The following DOCK4 variants were observed in gnomAD, a reference collection of about 807,000 sequenced individuals.
The protein encoded by DOCK4 is dedicator of cytokinesis 4, also known as dedicator of cytokinesis protein 4.
DOCK4 carries 97 observed loss-of-function variants against 268.1 expected under a neutral mutation model. That is an observed-to-expected ratio of 0.36 (90% CI 0.31 to 0.43). DOCK4 has a LOEUF of 0.43. DOCK4 is among the 20% of genes least tolerant of loss of function. The pLI is 1.00. For missense variants in DOCK4, 2,145 were observed against 2,455.7 expected (o/e 0.87, Z 2.67); for synonymous variants, 954 against 887.2 (o/e 1.08, Z -1.34).
chr7:111,833,288 TCTGAGTA>T (rs1402516855), intron 26 of DOCK4, among the ~76,000 whole-genome samples: 1 of 152,180 alleles, frequency 6.6e-6, no homozygotes. Flanking sequence ...ATGCCTGTAA[TCTGAGTA>T]CTTTAGGAGG....
intron 23 of DOCK4, among the ~76,000 whole-genome samples, chr7:111,858,736 C>T (rs940289892): frequency 2.0e-5 from 3 of 152,074 alleles, no homozygotes; most frequent in African/African-American, 4.8e-5. Context: ...TCTATAATCA[C>T]GTAAACCATT....
chr7:111,850,607 C>T (rs1205033179), intron 23 of DOCK4, among the ~76,000 whole-genome samples: 3 of 152,138 alleles, frequency 2.0e-5, no homozygotes, highest in Non-Finnish European at 4.4e-5. Context: ...CAGTTCCTGC[C>T]TTAACTGATG....
chr7:112,018,234 C>A (rs940548158), intron 1 of DOCK4, among the ~76,000 whole-genome samples: 1 of 139,818 alleles, frequency 7.2e-6, no homozygotes, highest in Non-Finnish European at 1.5e-5. Flanking sequence ...TAATAAAACT[C>A]TGTTATTTCC....
At position 111,794,533 on chromosome 7, in the gene DOCK4, A is replaced by T. The variant is rs575666807; in HGVS notation, c.3167-3928T>A. Among the ~76,000 whole-genome samples, 8 of 152,288 alleles carry T rather than the reference A, an allele frequency of 5.3e-5. No individual in the cohort carries two copies. In the South Asian group the frequency reaches 1.7e-3, roughly 32 times the overall value. On this transcript the variant is annotated intron_variant, in intron 30 of 52. Coordinates refer to ENST00000428084, the MANE Select transcript of DOCK4 (RefSeq NM_001363540.2). ...TGCAGGGTAGGGAAGGAGAAGTGGGAAAGTGGTGATGGGAAATGATAGAGA... is the reference window on the plus strand; with the variant it reads ...TGCAGGGTAGGGAAGGAGAAGTGGGTAAGTGGTGATGGGAAATGATAGAGA...
intron 1 of DOCK4, among the ~76,000 whole-genome samples, chr7:112,073,026 TG>T (rs1807744963): frequency 6.6e-6 from 1 of 152,100 alleles, no homozygotes; most frequent in African/African-American, 2.4e-5. Flanking sequence ...CCCAGAAGCA[TG>T]GGAACATCTA....
At chr7:111,998,418 C>A in intron 4 of DOCK4, 30 bp downstream of exon 4, 1 of 1,508,184 alleles carries the variant, frequency 6.6e-7, no homozygotes, top group East Asian at 2.4e-5. Flanking sequence ...TGTGAAAATC[C>A]TCCAACTACT....
intron 1 of DOCK4, among the ~76,000 whole-genome samples, chr7:112,160,818 G>A (rs539949800): frequency 1.7e-3 from 255 of 152,236 alleles, no homozygotes; most frequent in African/African-American, 5.9e-3. Context: ...ATCCTATCGC[G>A]GCATTCATCA....
Position 111,728,473 on chromosome 7 carries a change from G to A in DOCK4, c.5729C>T (p.Pro1910Leu). The A allele has an allele frequency of 6.2e-7, 1 of 1,611,966 alleles. No individual in the cohort carries two copies. The highest frequency in any genetic ancestry group is 8.5e-7 in the Non-Finnish European group (1 of 1,179,112). Residue 1910 changes from proline (P) to leucine (L), a missense_variant, in exon 53 of 53, where the codon CCC becomes CTC. Transcript: ENST00000428084. The part of the protein sequence containing the change: ...EPVRKESKTP[P>L]PYSVYERTLR... ...AGTCCGCTCGTAGACGCTGTACGGG[G>A]GCGGAGTCTTGCTCTCCTTGCGCAC...
intron 8 of DOCK4, among the ~76,000 whole-genome samples, chr7:111,960,376 A>AG (rs531625852): frequency 6.6e-6 from 1 of 150,700 alleles, no homozygotes; most frequent in African/African-American, 2.4e-5. Flanking sequence ...AAAAAAAAAA[A>AG]AGAAAAGAAA....
intron 30 of DOCK4, among the ~76,000 whole-genome samples, chr7:111,795,930 A>T (rs1397777953): frequency 1.3e-5 from 2 of 152,100 alleles, no homozygotes; most frequent in Non-Finnish European, 2.9e-5. Context: ...CAACTTCTCA[A>T]CCACAGTCTG....
chr7:111,810,431 G>A (rs542685268), intron 28 of DOCK4, among the ~76,000 whole-genome samples: 69 of 150,784 alleles, frequency 4.6e-4, no homozygotes, highest in African/African-American at 1.6e-3. Context: ...CAGACTGGGC[G>A]ACAGAGGGAG....
rs115416603 is a variant in DOCK4, at chr7:111,899,389, G to C, written c.1480+985C>G. 4.6e-3 allele frequency among the ~76,000 whole-genome samples: 699 copies of C among 152,224 alleles called. 1 individual carries two copies. The highest frequency in any genetic ancestry group is 0.016 in the African/African-American group (677 of 41,518). On this transcript the variant is annotated intron_variant, in intron 15 of 52. Transcript: ENST00000428084. ...GTTTGTTGTACTGCTCCCAAAGCTA[G>C]ATTCACCAAAACTTTCTCTGGTCAC...
intron 8 of DOCK4, among the ~76,000 whole-genome samples, chr7:111,951,477 A>C (rs923351594): frequency 2.6e-5 from 4 of 152,014 alleles, no homozygotes; most frequent in African/African-American, 9.7e-5. Context: ...TTTAACCAAA[A>C]TGCAACCCTC....
intron 1 of DOCK4, among the ~76,000 whole-genome samples, chr7:112,134,245 C>G (rs767623610): frequency 1.3e-5 from 2 of 152,124 alleles, no homozygotes; most frequent in African/African-American, 4.8e-5. Context: ...CCCTGAGGCT[C>G]GGAAAGCCAG....
chr7:112,085,870 C>T (rs1809037066), intron 1 of DOCK4, among the ~76,000 whole-genome samples: 1 of 152,062 alleles, frequency 6.6e-6, no homozygotes, highest in African/African-American at 2.4e-5. Flanking sequence ...ACAGCCCCAG[C>T]TATGAGACAT....
At chr7:112,176,970 C>T (rs188706291) in intron 1 of DOCK4, among the ~76,000 whole-genome samples, 1 of 152,186 alleles carries the variant, frequency 6.6e-6, no homozygotes, top group Admixed American at 6.5e-5. Context: ...GACATAAGTT[C>T]CCTAGGTTAC....
At chr7:111,938,507 T>C (rs2134744079) in intron 11 of DOCK4, among the ~76,000 whole-genome samples, 1 of 152,262 alleles carries the variant, frequency 6.6e-6, no homozygotes, top group South Asian at 2.1e-4. Context: ...CCCTAATAAG[T>C]CTGCTCTGAA....
chr7:112,001,632 G>T (rs1318563350), intron 2 of DOCK4, among the ~76,000 whole-genome samples: 1 of 152,014 alleles, frequency 6.6e-6, no homozygotes, highest in Non-Finnish European at 1.5e-5. Flanking sequence ...AAAATCATAT[G>T]CTGAGGTTGC....
intron 2 of DOCK4, 41 bp from the exon 3 acceptor site, chr7:112,000,575 G>A: frequency 1.4e-6 from 2 of 1,407,880 alleles, no homozygotes; most frequent in South Asian, 2.9e-5. Context: ...ATAAACCATT[G>A]TAATATTTTA....
Sources: gnomAD v4.1 joint callset for allele counts (sites outside exome capture counted in the v4.1 genomes callset) on GRCh38, gnomAD v4.1.1 for gene constraint, MANE v1.5 for transcripts, NCBI Gene and HGNC (gene_info 2026-07-23, HGNC 2026-07-21) for gene names.